The following SCN7A variants were observed in gnomAD, a reference collection of about 807,000 sequenced individuals.
The protein encoded by SCN7A is sodium channel protein type 7 subunit alpha.
SCN7A carries 138 observed loss-of-function variants against 155.2 expected under a neutral mutation model. The observed-to-expected ratio is 0.89, with a 90% CI of 0.77 to 1.02. The LOEUF is 1.02. SCN7A is among the 50% of genes least tolerant of loss of function. The pLI, the probability that SCN7A is intolerant of heterozygous loss-of-function variation, is 0.00. For synonymous variants in SCN7A, 693 were observed against 649.0 expected (o/e 1.07, Z -1.03); for missense variants, 2,058 against 1,986.6 (o/e 1.04, Z -0.68).
chr2:166,481,322 C>A (rs944038310), intron 2 of SCN7A, among the ~76,000 whole-genome samples: 1 of 151,980 alleles, frequency 6.6e-6, no homozygotes, highest in Non-Finnish European at 1.5e-5. Flanking sequence ...GTAAAAATAC[C>A]TAGTACAGTG....
chr2:166,457,129 G>A, intron 10 of SCN7A, 53 bp from the exon 11 acceptor site: 1 of 1,297,654 alleles, frequency 7.7e-7, no homozygotes, highest in Non-Finnish European at 1.1e-6. Flanking sequence ...TTATCTTCCA[G>A]GATTCTCCTA....
chr2:166,456,236 A>G (rs1265976593), intron 11 of SCN7A, among the ~76,000 whole-genome samples: 1 of 152,132 alleles, frequency 6.6e-6, no homozygotes, highest in East Asian at 1.9e-4. Flanking sequence ...CAATAGCATT[A>G]GGAGAAATAT....
chr2:166,460,751 T>C (rs1214667401), intron 10 of SCN7A, among the ~76,000 whole-genome samples: 1 of 152,138 alleles, frequency 6.6e-6, no homozygotes, highest in African/African-American at 2.4e-5. Flanking sequence ...AGCAAATCCT[T>C]TGAATAATTA....
intron 23 of SCN7A, 106 bp from the exon 24 acceptor site, chr2:166,410,430 A>G: frequency 1.4e-6 from 1 of 740,082 alleles, no homozygotes; most frequent in Non-Finnish European, 2.1e-6. Flanking sequence ...AATCTTCTAA[A>G]AAAAAGGCTT....
At chr2:166,444,456 G>A (rs995302611) in intron 13 of SCN7A, among the ~76,000 whole-genome samples, 2 of 152,092 alleles carry the variant, frequency 1.3e-5, no homozygotes, top group African/African-American at 4.8e-5. Flanking sequence ...CCAAGAGACT[G>A]TATATTTGGG....
At position 166,414,108 on chromosome 2, in the gene SCN7A, T is replaced by TA. The variant is rs1404447337; in HGVS notation, c.3415-988dup. 2.7e-4 allele frequency among the ~76,000 whole-genome samples: 23 copies of TA among 84,652 alleles called. 1 individual carries two copies. The East Asian group carries it at 6.6e-3, about 24-fold the overall frequency. 55.5% of individuals were successfully genotyped at this position (84,652 alleles called of 152,430 possible). On this transcript the variant is annotated intron_variant, in intron 21 of 25. Coordinates refer to ENST00000643258, the MANE Select transcript of SCN7A (RefSeq NM_002976.4). Reference sequence around the variant, plus strand: ...ATGTAAATATATATAATATATTATATATAAATATATATAATATATTATATA... The same window carrying TA: ...ATGTAAATATATATAATATATTATATAATAAATATATATAATATATTATATA...
intron 20 of SCN7A, 94 bp downstream of exon 20, chr2:166,421,096 G>A (rs1235472244): frequency 1.0e-5 from 8 of 766,804 alleles, no homozygotes; most frequent in Non-Finnish European, 1.5e-5. Flanking sequence ...ACTGTTAAAG[G>A]TACAAACGAG....
chr2:166,467,913 T>A (rs1402618953), intron 7 of SCN7A, among the ~76,000 whole-genome samples: 1 of 151,964 alleles, frequency 6.6e-6, no homozygotes, highest in African/African-American at 2.4e-5. Flanking sequence ...TATTTCTATA[T>A]TCTCCTTATT....
chr2:166,468,089 C>A (rs1702576418), intron 7 of SCN7A, among the ~76,000 whole-genome samples: 1 of 151,984 alleles, frequency 6.6e-6, no homozygotes, highest in Non-Finnish European at 1.5e-5. Context: ...CTCAGTCCCA[C>A]CACATAAGGT....
chr2:166,456,950 C>G lies in SCN7A; in HGVS notation c.1210G>C (p.Val404Leu), dbSNP rs1463850660. The G allele has an allele frequency of 6.3e-7, 1 of 1,590,250 alleles. No individual in the cohort carries two copies. The highest frequency in any genetic ancestry group is 8.6e-7 in the Non-Finnish European group (1 of 1,167,632). Residue 404 changes from valine (V) to leucine (L), a missense_variant, in exon 11 of 26, where the codon GTT becomes CTT. Physicochemically the swap from Val to Leu is conservative, Grantham distance 32 (BLOSUM62 1). Coordinates refer to ENST00000643258, the MANE Select transcript of SCN7A (RefSeq NM_002976.4). ...TCAATCTTCTTAGATATTTCACCAA[C>G]TCTCTGCTTTTCTTCTTCATAGGCC... ...AMAYEEEKQR[V>L]GEISKKIEPK...
chr2:166,467,663 A>T (rs1702566490), intron 7 of SCN7A, among the ~76,000 whole-genome samples: 1 of 151,526 alleles, frequency 6.6e-6, no homozygotes, highest in Non-Finnish European at 1.5e-5. Context: ...AGTATATACT[A>T]ATTATATTTT....
chr2:166,482,651 T>A (rs1033027839), intron 2 of SCN7A, among the ~76,000 whole-genome samples: 1 of 151,872 alleles, frequency 6.6e-6, no homozygotes, highest in South Asian at 2.1e-4. Context: ...CAGTCACTTA[T>A]CCCAGAAGAT....
At chr2:166,413,981 G>GTATGTATATATATATA (rs1553513527) in intron 21 of SCN7A, among the ~76,000 whole-genome samples, 2 of 53,526 alleles carry the variant, frequency 3.7e-5, no homozygotes, top group South Asian at 1.1e-3. Context: ...ATGTGTATGT[G>GTATGTATATATATATA]TATATATATA....
intron 16 of SCN7A, among the ~76,000 whole-genome samples, chr2:166,430,877 C>T (rs1000109718): frequency 9.2e-5 from 14 of 151,818 alleles, no homozygotes; most frequent in African/African-American, 2.9e-4. Flanking sequence ...TATCAATATC[C>T]TAAGTAGTCA....
At chr2:166,439,635 G>T (rs1278000741) in intron 15 of SCN7A, among the ~76,000 whole-genome samples, 1 of 152,022 alleles carries the variant, frequency 6.6e-6, no homozygotes, top group Non-Finnish European at 1.5e-5. Flanking sequence ...TCATTTTTTT[G>T]TTTCAGCCAG....
chr2:166,435,405 A>G (rs1346283690), intron 15 of SCN7A, among the ~76,000 whole-genome samples: 1 of 122,886 alleles, frequency 8.1e-6, no homozygotes, highest in Admixed American at 8.6e-5. Context: ...AAAAACATAT[A>G]TTTATTATTT....
intron 15 of SCN7A, among the ~76,000 whole-genome samples, chr2:166,437,327 G>A (rs777532725): frequency 6.6e-6 from 1 of 152,216 alleles, no homozygotes; most frequent in Non-Finnish European, 1.5e-5. Context: ...GCCTGCTGGT[G>A]CAAAGAAGTC....
chr2:166,477,445 A>T lies in SCN7A; in HGVS notation c.234+18T>A. ...AAATAATAAAAATGTCATCAAAATA[A>T]TCTCAATTAATACTCACATTTTTTT... On this transcript the variant is annotated intron_variant, in intron 3 of 25. Coordinates refer to ENST00000643258, the MANE Select transcript of SCN7A (RefSeq NM_002976.4). 1 of 1,330,114 alleles carries T rather than the reference A, an allele frequency of 7.5e-7. No individual in the cohort carries two copies. Among genetic ancestry groups the T allele is most frequent in the East Asian group, 2.6e-5 (1 of 37,858 alleles). The allele number at this position is 1,330,114 out of a possible 1,614,324, so 82.4% of individuals were successfully genotyped here.
chr2:166,423,570 T>A (rs1701558282), intron 18 of SCN7A, 138 bp from the exon 19 acceptor site: 1 of 912,184 alleles, frequency 1.1e-6, no homozygotes, highest in Admixed American at 3.7e-5. Flanking sequence ...CCAGGGCTGG[T>A]TCACTATGCT....
Sources: allele counts gnomAD v4.1 joint callset (sites outside exome capture counted in the v4.1 genomes callset), GRCh38; gene constraint gnomAD v4.1.1; transcripts MANE v1.5; gene names NCBI Gene and HGNC (gene_info 2026-07-23, HGNC 2026-07-21).